CR1L: variants seen among roughly 807,000 people sequenced by gnomAD.
The protein encoded by CR1L is complement component receptor 1-like protein.
In CR1L, 59 loss-of-function variants were observed where a neutral mutation model predicts 62.3. The ratio of observed to expected loss-of-function variants is 0.95; its 90% confidence interval spans 0.77 to 1.18. The LOEUF (loss-of-function observed/expected upper bound fraction) is 1.18. Among genes scored for constraint, CR1L ranks in the 50% most tolerant of loss-of-function variants. The probability of loss-of-function intolerance (pLI) is 0.00; values close to 1 mark genes in which losing one functional copy is unlikely to be tolerated. For synonymous variants in CR1L, 279 were observed against 248.7 expected (o/e 1.12, Z -1.15); for missense variants, 700 against 702.8 (o/e 1.00, Z 0.04).
At chr1:207,699,372 T>A in intron 8 of CR1L, 98 bp downstream of exon 8, 2 of 1,422,796 alleles carry the variant, frequency 1.4e-6, no homozygotes, top group Middle Eastern at 1.8e-4. Flanking sequence ...AATTTTCTAA[T>A]CTGAATTATT....
chr1:207,706,946 GA>G (rs1310575714), intron 9 of CR1L, among the ~76,000 whole-genome samples: 3 of 152,144 alleles, frequency 2.0e-5, no homozygotes, highest in African/African-American at 7.2e-5. Context: ...AATAGAAGTA[GA>G]AAATGTGAGA....
At chr1:207,717,880 G>T (rs1347390659) in intron 11 of CR1L, among the ~76,000 whole-genome samples, 189 bp downstream of exon 11, 1 of 152,176 alleles carries the variant, frequency 6.6e-6, no homozygotes. Context: ...TTGGTATTCT[G>T]ATGGCCTTTG....
chr1:207,671,249 G>T (rs1446940045), intron 1 of CR1L, among the ~76,000 whole-genome samples: 1 of 150,882 alleles, frequency 6.6e-6, no homozygotes, highest in Admixed American at 6.6e-5. Context: ...CCTCATGCAT[G>T]TCTGAAAAAC....
intron 4 of CR1L, among the ~76,000 whole-genome samples, chr1:207,686,266 T>C (rs1388678604): frequency 4.0e-5 from 6 of 149,652 alleles, no homozygotes; most frequent in African/African-American, 1.5e-4. Context: ...ACATTGAACA[T>C]TGGTAGCAAT....
intron 1 of CR1L, among the ~76,000 whole-genome samples, chr1:207,671,949 C>G (rs1269227847): frequency 6.7e-6 from 1 of 150,282 alleles, no homozygotes; most frequent in Non-Finnish European, 1.5e-5. Flanking sequence ...AAATAAAGGT[C>G]AGGAAAAGAA....
At chr1:207,701,353 G>A (rs1277694674) in intron 8 of CR1L, among the ~76,000 whole-genome samples, 166 bp from the exon 9 acceptor site, 1 of 152,172 alleles carries the variant, frequency 6.6e-6, no homozygotes, top group African/African-American at 2.4e-5. Context: ...GGCTTAGTAG[G>A]TGGCTGATCC....
At chr1:207,700,953 C>T (rs932306629) in intron 8 of CR1L, among the ~76,000 whole-genome samples, 1 of 152,184 alleles carries the variant, frequency 6.6e-6, no homozygotes, top group Non-Finnish European at 1.5e-5. Flanking sequence ...TCTGCAAAAG[C>T]TTCTTATTGA....
Position 207,677,530 on chromosome 1 carries a change from A to G in CR1L, c.239A>G (p.Lys80Arg). ...AGACCGTTTTCTATCATCTGCCTAA[A>G]AAACTCAGTCTGGACAAGTGCTAAG... ...SGRPFSIICLKNSVWTSAKDK... is the reference protein window; with the variant it reads ...SGRPFSIICLRNSVWTSAKDK... Residue 80 changes from lysine to arginine, a missense_variant, in exon 2 of 12, where the codon AAA becomes AGA. Transcript: ENST00000508064. 1 of 1,613,994 alleles carries G rather than the reference A, an allele frequency of 6.2e-7. No individual in the cohort carries two copies. Among genetic ancestry groups the G allele is most frequent in the Non-Finnish European group, 8.5e-7 (1 of 1,179,878 alleles).
chr1:207,669,641 C>T (rs1261759663), intron 1 of CR1L: 4 of 878,238 alleles, frequency 4.6e-6, no homozygotes, highest in Non-Finnish European at 6.8e-6. Flanking sequence ...TCGCGTGCCG[C>T]GCTGGGCTGC....
chr1:207,651,983 A>G (rs994423337), intron 1 of CR1L, among the ~76,000 whole-genome samples: 2 of 152,232 alleles, frequency 1.3e-5, no homozygotes, highest in African/African-American at 4.8e-5. Flanking sequence ...TATTTATTTT[A>G]ATCTATGAAA....
At chr1:207,663,287 C>A (rs1245497204) in intron 1 of CR1L, among the ~76,000 whole-genome samples, 1 of 152,228 alleles carries the variant, frequency 6.6e-6, no homozygotes, top group Non-Finnish European at 1.5e-5. Context: ...CTGTGATGGG[C>A]TCCACCCAGT....
At chr1:207,655,329 T>G in intron 1 of CR1L, 1 of 455,772 alleles carries the variant, frequency 2.2e-6, no homozygotes, top group South Asian at 2.5e-5. Context: ...TCCTCAAAGA[T>G]TTTTTGCCTC....
At chr1:207,666,166 T>C (rs1420545382) in intron 1 of CR1L, among the ~76,000 whole-genome samples, 1 of 152,236 alleles carries the variant, frequency 6.6e-6, no homozygotes, top group Non-Finnish European at 1.5e-5. Context: ...CACACAACTC[T>C]TTCCAACTCC....
chr1:207,705,200 C>G (rs899974998), intron 9 of CR1L, among the ~76,000 whole-genome samples: 4 of 152,196 alleles, frequency 2.6e-5, no homozygotes, highest in African/African-American at 9.7e-5. Context: ...AAAGTTTTCT[C>G]TTTTTATAAG....
intron 9 of CR1L, among the ~76,000 whole-genome samples, chr1:207,702,944 G>T (rs766261108): frequency 6.6e-6 from 1 of 152,154 alleles, no homozygotes; most frequent in Non-Finnish European, 1.5e-5. Flanking sequence ...TTAACCAGGC[G>T]TTGTGGCGGG....
chr1:207,720,327 C>G (rs547447216), intron 11 of CR1L, among the ~76,000 whole-genome samples: 22 of 151,486 alleles, frequency 1.5e-4, no homozygotes, highest in African/African-American at 5.1e-4. Context: ...TAGAGACTAT[C>G]GAAACAGAAA....
In CR1L at chr1:207,652,394, A is replaced by G. The variant is rs74150884; in HGVS notation, c.97+7064A>G. Among the ~76,000 whole-genome samples the G allele has an allele frequency of 1.6e-3, 241 of 152,340 alleles. 1 individual carries two copies. Among genetic ancestry groups the G allele is most frequent in the African/African-American group, 5.6e-3 (231 of 41,580 alleles). On this transcript the variant is annotated intron_variant, in intron 1 of 11. Transcript: ENST00000508064. ...TGCAAATCCCATTTCCTCCACTACT[A>G]CCAGCACTCAGGTAAAAGCATGGAA...
chr1:207,661,731 T>C (rs1663427770), intron 1 of CR1L, among the ~76,000 whole-genome samples: 1 of 152,222 alleles, frequency 6.6e-6, no homozygotes, highest in Non-Finnish European at 1.5e-5. Context: ...ATGCAGTTTC[T>C]TCCTAGCCTT....
intron 9 of CR1L, among the ~76,000 whole-genome samples, chr1:207,705,732 G>C (rs1664256109): frequency 6.6e-6 from 1 of 151,948 alleles, no homozygotes; most frequent in Non-Finnish European, 1.5e-5. Context: ...GAACCTCCCT[G>C]CGGCATGAGG....
Sources: allele counts gnomAD v4.1 joint callset (sites outside exome capture counted in the v4.1 genomes callset), GRCh38; gene constraint gnomAD v4.1.1; transcripts MANE v1.5; gene names NCBI Gene and HGNC (gene_info 2026-07-23, HGNC 2026-07-21).